The following SPAG16 variants were observed in gnomAD, a reference collection of about 807,000 sequenced individuals.
SPAG16 encodes the protein sperm associated antigen 16, also known as sperm-associated antigen 16 protein.
In SPAG16, 86 loss-of-function variants were observed where a neutral mutation model predicts 80.4. That is an observed-to-expected ratio of 1.07 (90% confidence interval 0.90 to 1.28). The LOEUF is 1.28. SPAG16 is among the 50% of genes most tolerant of loss of function. The pLI is 0.00. For synonymous variants in SPAG16, 294 were observed against 265.9 expected, an observed-to-expected ratio of 1.11 and a Z score of -1.03; for missense variants, 870 against 765.3, an observed-to-expected ratio of 1.14 and a Z score of -1.61.
intron 13 of SPAG16, among the ~76,000 whole-genome samples, chr2:214,103,052 A>G (rs1429052856): frequency 6.6e-6 from 1 of 152,086 alleles, no homozygotes; most frequent in Non-Finnish European, 1.5e-5. Context: ...CAGTGTGTTT[A>G]GGGAGGTATA....
chr2:214,166,959 C>T (rs1247741542), intron 15 of SPAG16, among the ~76,000 whole-genome samples: 1 of 152,042 alleles, frequency 6.6e-6, no homozygotes, highest in Non-Finnish European at 1.5e-5. Context: ...TAAGGACCTC[C>T]CACATCTAAC....
intron 10 of SPAG16, among the ~76,000 whole-genome samples, chr2:213,646,099 G>A (rs922880315): frequency 5.3e-5 from 8 of 152,140 alleles, no homozygotes; most frequent in Non-Finnish European, 7.3e-5. Context: ...AGATGCTCTG[G>A]GCACCCCTCC....
intron 10 of SPAG16, among the ~76,000 whole-genome samples, chr2:213,842,949 T>C (rs1000736665): frequency 6.6e-6 from 1 of 152,100 alleles, no homozygotes; most frequent in Non-Finnish European, 1.5e-5. Context: ...ACTTTTTGTT[T>C]TGTAGAAGCA....
rs565972746 is a variant in SPAG16 at position 214,210,050 on chromosome 2, A to G, written c.1720+60784A>G. ...CATTGAAATCAATATGCCCTCCTACATTTTTCTTAATCTGCTTGATCAACT... is the reference window on the plus strand; with the variant it reads ...CATTGAAATCAATATGCCCTCCTACGTTTTTCTTAATCTGCTTGATCAACT... On this transcript the variant is annotated intron_variant, in intron 15 of 15. Coordinates refer to ENST00000331683, the MANE Select transcript of SPAG16 (RefSeq NM_024532.5). 2.6e-4 allele frequency among the ~76,000 whole-genome samples: 39 copies of G among 151,902 alleles called. 1 individual carries two copies. Among genetic ancestry groups the G allele is most frequent in the Admixed American group, 5.3e-4 (8 of 15,236 alleles).
intron 10 of SPAG16, among the ~76,000 whole-genome samples, chr2:213,807,844 T>G (rs1356979798): frequency 6.6e-6 from 1 of 152,248 alleles, no homozygotes; most frequent in Non-Finnish European, 1.5e-5. Context: ...TTCTTTGCAG[T>G]GAAGATTCTT....
At chr2:214,007,191 A>C (rs1395873409) in intron 12 of SPAG16, among the ~76,000 whole-genome samples, 1 of 152,216 alleles carries the variant, frequency 6.6e-6, no homozygotes, top group East Asian at 1.9e-4. Context: ...AAAAATACTA[A>C]TAAAACTGCA....
intron 13 of SPAG16, among the ~76,000 whole-genome samples, chr2:214,066,960 T>C (rs2050559735): frequency 6.6e-6 from 1 of 152,182 alleles, no homozygotes; most frequent in African/African-American, 2.4e-5. Context: ...CATCCTTTGT[T>C]CCACTGTTGT....
At chr2:214,179,521 A>C (rs1267741615) in intron 15 of SPAG16, among the ~76,000 whole-genome samples, 1 of 151,412 alleles carries the variant, frequency 6.6e-6, no homozygotes, top group East Asian at 1.9e-4. Context: ...CGTCAAAAAC[A>C]CTTTTCTCTA....
At chr2:214,124,455 G>A (rs796416472) in intron 14 of SPAG16, among the ~76,000 whole-genome samples, 3 of 151,780 alleles carry the variant, frequency 2.0e-5, no homozygotes, top group African/African-American at 7.2e-5. Flanking sequence ...ATTTGCATGT[G>A]ATTTAAAAAG....
intron 10 of SPAG16, among the ~76,000 whole-genome samples, chr2:213,542,006 C>T (rs2076463790): frequency 6.6e-6 from 1 of 151,884 alleles, no homozygotes; most frequent in Non-Finnish European, 1.5e-5. Flanking sequence ...TAGTTTAATC[C>T]AGCAAAAAAA....
intron 10 of SPAG16, among the ~76,000 whole-genome samples, chr2:213,564,751 G>A (rs1301199098): frequency 2.6e-5 from 4 of 152,056 alleles, no homozygotes; most frequent in African/African-American, 9.7e-5. Context: ...CATTAACTTT[G>A]TTAATATGCA....
At chr2:213,858,871 C>T (rs927467133) in intron 10 of SPAG16, among the ~76,000 whole-genome samples, 1 of 151,754 alleles carries the variant, frequency 6.6e-6, no homozygotes, top group Non-Finnish European at 1.5e-5. Flanking sequence ...TTTTTAGAGA[C>T]CTCTATGAAA....
intron 11 of SPAG16, among the ~76,000 whole-genome samples, chr2:213,883,161 C>G (rs2076416184): frequency 6.6e-6 from 1 of 152,206 alleles, no homozygotes; most frequent in Non-Finnish European, 1.5e-5. Flanking sequence ...AAACTCTCCT[C>G]TTAACAGACT....
At chr2:213,512,590 C>CA (rs370545665) in intron 10 of SPAG16, among the ~76,000 whole-genome samples, 14 of 152,168 alleles carry the variant, frequency 9.2e-5, no homozygotes, top group African/African-American at 3.4e-4. Flanking sequence ...CTGGAGCTGT[C>CA]ACTGGACCTT....
chr2:213,998,498 C>CT (rs1559674794), intron 12 of SPAG16, among the ~76,000 whole-genome samples: 4 of 152,194 alleles, frequency 2.6e-5, no homozygotes, highest in Admixed American at 6.5e-5. Flanking sequence ...ATGCAGAACT[C>CT]TAAGTCCAAT....
chr2:213,886,072 C>T (rs553551908), intron 11 of SPAG16, among the ~76,000 whole-genome samples: 3 of 151,986 alleles, frequency 2.0e-5, no homozygotes, highest in Non-Finnish European at 4.4e-5. Context: ...TAGGGAAACC[C>T]AGCAAAGCAT....
chr2:213,583,895 G>A (rs2124873106), intron 10 of SPAG16, among the ~76,000 whole-genome samples: 2 of 152,236 alleles, frequency 1.3e-5, no homozygotes, highest in East Asian at 3.9e-4. Context: ...ATAATTTTAT[G>A]TTTCAAAAGG....
chr2:214,153,140 C>T (rs1209687154), intron 15 of SPAG16, among the ~76,000 whole-genome samples: 1 of 152,036 alleles, frequency 6.6e-6, no homozygotes, highest in Non-Finnish European at 1.5e-5. Flanking sequence ...GGTGTTGTTC[C>T]TTGACACATT....
At chr2:213,703,205 A>T (rs551566937) in intron 10 of SPAG16, among the ~76,000 whole-genome samples, 1 of 152,196 alleles carries the variant, frequency 6.6e-6, no homozygotes, top group East Asian at 1.9e-4. Flanking sequence ...TCTAAACCTG[A>T]GTGTTATAGG....
Sources: gnomAD v4.1 joint callset for allele counts (sites outside exome capture counted in the v4.1 genomes callset) on GRCh38, gnomAD v4.1.1 for gene constraint, MANE v1.5 for transcripts, NCBI Gene and HGNC (gene_info 2026-07-23, HGNC 2026-07-21) for gene names.